Variants in KCNIP4 observed in about 807,000 individuals in gnomAD.
The protein encoded by KCNIP4 is potassium voltage-gated channel interacting protein 4.
A neutral mutation model predicts 34.0 loss-of-function variants in KCNIP4; 12 were observed. The ratio of observed to expected loss-of-function variants is 0.35; its 90% CI spans 0.23 to 0.57. The LOEUF is 0.57. Ranked by LOEUF, KCNIP4 falls within the 20% of genes least tolerant of loss-of-function variation. The pLI is 0.83. For synonymous variants in KCNIP4, 124 were observed against 102.2 expected, an observed-to-expected ratio of 1.21 and a Z score of -1.29; for missense variants, 238 against 311.7, an observed-to-expected ratio of 0.76 and a Z score of 1.78.
rs748688116 is a variant in KCNIP4 at position 20,732,074 on chromosome 4, C to G, written c.643-6G>C. On this transcript the variant is annotated splice_region_variant and splice_polypyrimidine_tract_variant and intron_variant, in intron 7 of 8. Coordinates refer to ENST00000382152, the MANE Select transcript of KCNIP4 (RefSeq NM_025221.6). The stretch of plus-strand genomic sequence containing the variant: ...TCTTTATTTTTGTCCATTTTCTGTT[C>G]AGGAAGAAAACAAAAATTGTATTTA... 7.0e-6 allele frequency: 11 copies of G among 1,574,178 alleles called. No individual in the cohort carries two copies. In the Middle Eastern group the frequency reaches 5.0e-4, roughly 72 times the overall value.
intron 1 of KCNIP4, among the ~76,000 whole-genome samples, chr4:21,122,008 G>A (rs1193348770): frequency 6.6e-6 from 1 of 152,100 alleles, no homozygotes; most frequent in Non-Finnish European, 1.5e-5. Context: ...TAATGAGTTA[G>A]GAGCATCTCC....
chr4:21,480,614 A>T (rs1731339550), intron 1 of KCNIP4, among the ~76,000 whole-genome samples: 1 of 152,192 alleles, frequency 6.6e-6, no homozygotes, highest in South Asian at 2.1e-4. Flanking sequence ...ATCATTGAGA[A>T]TCTATAACTT....
At chr4:21,731,289 T>A (rs1051133793) in intron 1 of KCNIP4, among the ~76,000 whole-genome samples, 1 of 152,072 alleles carries the variant, frequency 6.6e-6, no homozygotes, top group East Asian at 1.9e-4. Context: ...AGAAGGTACA[T>A]ACACACAAAG....
chr4:21,242,096 G>A (rs916665122), intron 1 of KCNIP4, among the ~76,000 whole-genome samples: 12 of 148,294 alleles, frequency 8.1e-5, no homozygotes, highest in Non-Finnish European at 1.3e-4. Context: ...CCCAGGAGGC[G>A]GAGCTTGCAG....
At chr4:20,772,239 A>G (rs1755961276) in intron 3 of KCNIP4, among the ~76,000 whole-genome samples, 1 of 152,154 alleles carries the variant, frequency 6.6e-6, no homozygotes, top group South Asian at 2.1e-4. Context: ...ACTAAGGGGT[A>G]ACTTTTATCC....
At chr4:21,213,868 T>C (rs1281625660) in intron 1 of KCNIP4, among the ~76,000 whole-genome samples, 1 of 152,150 alleles carries the variant, frequency 6.6e-6, no homozygotes, top group African/African-American at 2.4e-5. Context: ...AGCCCCTAGA[T>C]TCATGCCTCA....
At chr4:21,013,986 A>G (rs570072131) in intron 1 of KCNIP4, among the ~76,000 whole-genome samples, 1 of 152,148 alleles carries the variant, frequency 6.6e-6, no homozygotes, top group South Asian at 2.1e-4. Flanking sequence ...TATCTTCCCA[A>G]CTTACATAAA....
intron 1 of KCNIP4, among the ~76,000 whole-genome samples, chr4:21,597,020 GGGT>G (rs1034935336): frequency 1.3e-5 from 2 of 152,008 alleles, no homozygotes; most frequent in African/African-American, 2.4e-5. Context: ...AACATCATGG[GGGT>G]GGTGGTGGTG....
At chr4:21,114,472 GTAA>G (rs1381880449) in intron 1 of KCNIP4, among the ~76,000 whole-genome samples, 1 of 151,914 alleles carries the variant, frequency 6.6e-6, no homozygotes, top group Admixed American at 6.6e-5. Context: ...TAAAAGTGAA[GTAA>G]GACTATCTTC....
chr4:21,757,252 GAAA>G, intron 1 of KCNIP4, among the ~76,000 whole-genome samples: 1 of 22,872 alleles, frequency 4.4e-5, no homozygotes. Context: ...AGAAAGAAAA[GAAA>G]AGAAAAGAAA....
intron 1 of KCNIP4, among the ~76,000 whole-genome samples, chr4:21,096,166 C>A (rs557622047): frequency 3.6e-4 from 55 of 152,086 alleles, no homozygotes; most frequent in Non-Finnish European, 7.2e-4. Context: ...TGCAATTAAC[C>A]AGACTGTTGG....
At chr4:20,847,594 T>A (rs1560510906) in intron 3 of KCNIP4, among the ~76,000 whole-genome samples, 1 of 152,136 alleles carries the variant, frequency 6.6e-6, no homozygotes, top group Non-Finnish European at 1.5e-5. Context: ...TGTGGGAGCC[T>A]CAGTGAGTAA....
chr4:20,802,484 T>C (rs1328374068), intron 3 of KCNIP4, among the ~76,000 whole-genome samples: 1 of 152,056 alleles, frequency 6.6e-6, no homozygotes, highest in Non-Finnish European at 1.5e-5. Context: ...TGGACTCAAA[T>C]TGCACTTTTG....
At chr4:21,053,024 CATACACACACACACATAT>C (rs1421613357) in intron 1 of KCNIP4, among the ~76,000 whole-genome samples, 3 of 150,988 alleles carry the variant, frequency 2.0e-5, no homozygotes, top group African/African-American at 7.4e-5. Context: ...CACACACACA[CATACACACACACACATAT>C]ATATATATAT....
In KCNIP4 at chr4:21,859,380, G is replaced by A. The variant is rs188746409; in HGVS notation, c.61+89191C>T. On this transcript the variant is annotated intron_variant, in intron 1 of 8. Coordinates refer to ENST00000382152, the MANE Select transcript of KCNIP4 (RefSeq NM_025221.6). Reference sequence around the variant, plus strand: ...ACCACTTCTTAAGAATAGTGCTCTCGGGTGGATCACGAGGTCAGGAGATCG... The same window carrying A: ...ACCACTTCTTAAGAATAGTGCTCTCAGGTGGATCACGAGGTCAGGAGATCG... Among the ~76,000 whole-genome samples, 4 of 151,872 alleles carry A rather than the reference G, an allele frequency of 2.6e-5. No homozygotes were observed. In the East Asian group the frequency reaches 5.8e-4, roughly 22 times the overall value.
At chr4:21,938,428 T>A (rs1173713053) in intron 1 of KCNIP4, among the ~76,000 whole-genome samples, 3 of 152,188 alleles carry the variant, frequency 2.0e-5, no homozygotes, top group Non-Finnish European at 4.4e-5. Flanking sequence ...ATCAATTGGC[T>A]CACATTTGGG....
At chr4:21,192,306 G>A (rs184671988) in intron 1 of KCNIP4, among the ~76,000 whole-genome samples, 21 of 152,202 alleles carry the variant, frequency 1.4e-4, no homozygotes, top group African/African-American at 5.1e-4. Context: ...CTCCATTTAA[G>A]GTATGGATTA....
chr4:21,536,052 TG>T, intron 1 of KCNIP4, among the ~76,000 whole-genome samples: 1 of 152,152 alleles, frequency 6.6e-6, no homozygotes, highest in African/African-American at 2.4e-5. Context: ...CAGTGATTCC[TG>T]GAGACTCTCA....
intron 1 of KCNIP4, among the ~76,000 whole-genome samples, chr4:21,758,013 A>T (rs1717780483): frequency 6.6e-6 from 1 of 152,194 alleles, no homozygotes; most frequent in Non-Finnish European, 1.5e-5. Flanking sequence ...TGGGTATGAC[A>T]ATAAGACCAA....
Sources: gnomAD v4.1 joint callset for allele counts (sites outside exome capture counted in the v4.1 genomes callset) on GRCh38, gnomAD v4.1.1 for gene constraint, MANE v1.5 for transcripts, NCBI Gene and HGNC (gene_info 2026-07-23, HGNC 2026-07-21) for gene names.